NREP: variants seen among roughly 807,000 people sequenced by gnomAD.
The protein encoded by NREP is neuronal regeneration related protein.
A neutral mutation model predicts 8.6 loss-of-function variants in NREP; 5 were observed. The ratio of observed to expected loss-of-function variants is 0.58; its 90% confidence interval spans 0.30 to 1.22. The LOEUF (loss-of-function observed/expected upper bound fraction) is 1.22, where lower values mean the gene tolerates loss of function less well. NREP is among the 50% of genes most tolerant of loss of function. The pLI is 0.07. For synonymous variants in NREP, 27 were observed against 28.0 expected, an observed-to-expected ratio of 0.96 and a Z score of 0.11; for missense variants, 86 against 82.5, an observed-to-expected ratio of 1.04 and a Z score of -0.17.
intron 2 of NREP, among the ~76,000 whole-genome samples, chr5:111,812,958 G>T (rs900324509): frequency 2.6e-5 from 4 of 152,094 alleles, no homozygotes; most frequent in African/African-American, 9.7e-5. Flanking sequence ...TCAATAGATA[G>T]TATGTTGTTC....
At chr5:111,789,917 T>A (rs141610449) in intron 2 of NREP, among the ~76,000 whole-genome samples, 8 of 152,202 alleles carry the variant, frequency 5.3e-5, no homozygotes, top group Admixed American at 2.6e-4. Flanking sequence ...AGGACAAGAT[T>A]TGTAGATTTG....
At chr5:111,734,665 C>A in intron 3 of NREP, 1 of 681,274 alleles carries the variant, frequency 1.5e-6, no homozygotes, top group Non-Finnish European at 2.7e-6. Context: ...TGGGGGAGGA[C>A]TCACCGTTAG....
At chr5:111,750,545 C>T (rs1258587846) in intron 2 of NREP, among the ~76,000 whole-genome samples, 1 of 152,220 alleles carries the variant, frequency 6.6e-6, no homozygotes, top group Non-Finnish European at 1.5e-5. Context: ...CTTGCTATTT[C>T]TGGCTCCAGC....
At chr5:111,837,972 TTAATC>T (rs1214532607) in intron 2 of NREP, among the ~76,000 whole-genome samples, 12 of 152,052 alleles carry the variant, frequency 7.9e-5, no homozygotes, top group Non-Finnish European at 1.8e-4. Flanking sequence ...ATTTTGCTAA[TTAATC>T]TAATTAAACC....
chr5:111,964,851 G>A (rs1756588209), intron 2 of NREP, among the ~76,000 whole-genome samples: 1 of 52,464 alleles, frequency 1.9e-5, no homozygotes, highest in Non-Finnish European at 3.3e-5. Flanking sequence ...AATGCTTTCA[G>A]CAGCAAAAAA....
chr5:111,866,432 T>C (rs373432233), intron 2 of NREP, among the ~76,000 whole-genome samples: 2 of 152,088 alleles, frequency 1.3e-5, no homozygotes, highest in Admixed American at 1.3e-4. Flanking sequence ...AAATGCAAAT[T>C]AAAATCACAA....
intron 2 of NREP, among the ~76,000 whole-genome samples, chr5:111,838,652 C>T (rs1752953121): frequency 6.6e-6 from 1 of 151,998 alleles, no homozygotes; most frequent in Non-Finnish European, 1.5e-5. Flanking sequence ...CAACAAATTT[C>T]AGACTTGCCA....
intron 2 of NREP, among the ~76,000 whole-genome samples, chr5:111,824,436 C>G (rs995514425): frequency 6.6e-6 from 1 of 152,164 alleles, no homozygotes; most frequent in Non-Finnish European, 1.5e-5. Context: ...ATTATCTTTC[C>G]CATTATGCAA....
chr5:111,783,760 A>G (rs775167701), intron 2 of NREP, among the ~76,000 whole-genome samples: 2 of 152,218 alleles, frequency 1.3e-5, no homozygotes, highest in East Asian at 1.9e-4. Context: ...AAATTTGCCA[A>G]TTTTGTTTTG....
upstream of NREP, chr5:111,757,674 C>T: frequency 9.1e-6 from 9 of 983,750 alleles, no homozygotes; most frequent in Non-Finnish European, 1.1e-5. Flanking sequence ...GTCCCCACTG[C>T]ACCGCGCGGC....
rs1278131601 is a variant in NREP, at chr5:111,963,020, G to A, written c.135+12254C>T. Among the ~76,000 whole-genome samples the A allele has an allele frequency of 3.3e-5, 5 of 152,350 alleles. No individual in the cohort carries two copies. The East Asian group carries it at 7.7e-4, about 24-fold the overall frequency. ...CCAACATGTGTGGATACCCAAAAAA[G>A]GCTGTCACACTGGCCATTTGCCCTT... On this transcript the variant is annotated intron_variant, in intron 2 of 3. Transcript: ENST00000395634.
intron 2 of NREP, among the ~76,000 whole-genome samples, chr5:111,953,966 A>G (rs573503787): frequency 2.0e-5 from 3 of 152,158 alleles, no homozygotes; most frequent in Non-Finnish European, 2.9e-5. Context: ...CAGCATGTTT[A>G]ACATGGGTTA....
At chr5:111,772,287 T>C (rs1751249053) in intron 2 of NREP, among the ~76,000 whole-genome samples, 1 of 152,206 alleles carries the variant, frequency 6.6e-6, no homozygotes, top group African/African-American at 2.4e-5. Context: ...TCCTGATAAA[T>C]AACCAGAGGT....
At chr5:111,895,458 GA>G (rs1204710959) in intron 2 of NREP, among the ~76,000 whole-genome samples, 1 of 151,892 alleles carries the variant, frequency 6.6e-6, no homozygotes, top group African/African-American at 2.4e-5. Context: ...CAGTGCCATG[GA>G]AAAAAAATTA....
chr5:111,966,569 A>T (rs1756649034), intron 2 of NREP, among the ~76,000 whole-genome samples: 1 of 152,148 alleles, frequency 6.6e-6, no homozygotes, highest in Non-Finnish European at 1.5e-5. Flanking sequence ...AAATATATAG[A>T]TTTGATAAGA....
chr5:111,807,277 A>T (rs1752164548), intron 2 of NREP, among the ~76,000 whole-genome samples: 1 of 152,172 alleles, frequency 6.6e-6, no homozygotes, highest in Admixed American at 6.5e-5. Context: ...TCTTTTATAA[A>T]ATGGAAAAAA....
chr5:111,976,102 T>C (rs1756952949), intron 1 of NREP, among the ~76,000 whole-genome samples: 1 of 152,172 alleles, frequency 6.6e-6, no homozygotes, highest in Admixed American at 6.5e-5. Context: ...CATATTGTTT[T>C]GAGATCTAAC....
At chr5:111,815,400 T>C (rs180767518) in intron 2 of NREP, among the ~76,000 whole-genome samples, 29 of 152,318 alleles carry the variant, frequency 1.9e-4, no homozygotes, top group Admixed American at 1.6e-3. Flanking sequence ...TGATGAGGTA[T>C]AAAACTATCT....
At chr5:111,965,263 A>T (rs1163919791) in intron 2 of NREP, among the ~76,000 whole-genome samples, 1 of 152,150 alleles carries the variant, frequency 6.6e-6, no homozygotes, top group Non-Finnish European at 1.5e-5. Context: ...ATTGCATCAC[A>T]TACCCTACCT....
Sources: gnomAD v4.1 joint callset for allele counts (sites outside exome capture counted in the v4.1 genomes callset) on GRCh38, gnomAD v4.1.1 for gene constraint, MANE v1.5 for transcripts, NCBI Gene and HGNC (gene_info 2026-07-23, HGNC 2026-07-21) for gene names.